Variants in KSR1 observed in about 807,000 individuals in gnomAD.
KSR1 encodes kinase suppressor of ras.
A neutral mutation model predicts 92.9 loss-of-function variants in KSR1; 35 were observed. The observed-to-expected ratio is 0.38, with a 90% CI of 0.29 to 0.50. The LOEUF is 0.50. Among genes scored for constraint, KSR1 ranks in the 20% least tolerant of loss-of-function variants. The pLI is 0.94. For synonymous variants in KSR1, 467 were observed against 472.6 expected (o/e 0.99, Z 0.15); for missense variants, 972 against 1,158.5 (o/e 0.84, Z 2.34).
chr17:27,483,846 C>A (rs1024184973), intron 1 of KSR1: 1 of 152,214 alleles, frequency 6.6e-6, no homozygotes, highest in Non-Finnish European at 1.5e-5. Flanking sequence ...TACATCCTCT[C>A]CCAAGGTGAC....
chr17:27,518,346 CA>C (rs1427266511), intron 1 of KSR1, among the ~76,000 whole-genome samples: 1 of 152,160 alleles, frequency 6.6e-6, no homozygotes, highest in African/African-American at 2.4e-5. Context: ...GGAGTAGCTG[CA>C]CTTGTGAAAT....
Position 27,577,540 on chromosome 17 carries a change from G to A in KSR1, c.421G>A (p.Ala141Thr). Residue 141 changes from alanine to threonine, a missense_variant, in exon 3 of 21, where the codon GCC becomes ACC. This residue lies in a region of KSR1 where 611 missense variants were observed against 668.0 expected (regional missense o/e 0.91). Coordinates refer to ENST00000644974, the MANE Select transcript of KSR1 (RefSeq NM_001394583.1). The surrounding 1 kb of genome is among the most constrained non-coding windows in gnomAD (Gnocchi z 4.5). ...TLDALLEMNE[A>T]KVKETLRRCG... ...GGATGCCCTGCTGGAGATGAATGAGGCCAAGGTGAAGGAGACGCTGCGGCG... is the reference window on the plus strand; with the variant it reads ...GGATGCCCTGCTGGAGATGAATGAGACCAAGGTGAAGGAGACGCTGCGGCG... 6.2e-7 allele frequency: 1 copy of A among 1,604,810 alleles called. No homozygotes were observed. Among genetic ancestry groups the A allele is most frequent in the Non-Finnish European group, 8.5e-7 (1 of 1,178,378 alleles).
At chr17:27,555,325 GTTTA>G (rs1166491891) in intron 2 of KSR1, among the ~76,000 whole-genome samples, 2 of 152,120 alleles carry the variant, frequency 1.3e-5, no homozygotes, top group Non-Finnish European at 2.9e-5. Context: ...TTTCTCCTCC[GTTTA>G]TTTATTCATT....
intron 2 of KSR1, among the ~76,000 whole-genome samples, chr17:27,568,588 G>T (rs1330704556): frequency 6.6e-6 from 1 of 152,182 alleles, no homozygotes; most frequent in Non-Finnish European, 1.5e-5. Flanking sequence ...CAGTAAAGAT[G>T]CCGGGGACAT....
chr17:27,475,150 A>T (rs910540110), intron 1 of KSR1, among the ~76,000 whole-genome samples: 9 of 152,094 alleles, frequency 5.9e-5, no homozygotes, highest in African/African-American at 2.2e-4. Context: ...GCCAAAGGGG[A>T]GTGAACCAGG....
intron 1 of KSR1, among the ~76,000 whole-genome samples, chr17:27,468,501 T>C (rs1212942415): frequency 6.6e-6 from 1 of 152,210 alleles, no homozygotes; most frequent in African/African-American, 2.4e-5. Flanking sequence ...AGTGCTGGGA[T>C]TACAGGCGTG....
chr17:27,566,407 T>TGCACTGGGGGCCAGGGCTGCCGGGG (rs2072070270), intron 2 of KSR1: 2 of 399,192 alleles, frequency 5.0e-6, no homozygotes, highest in Non-Finnish European at 8.8e-6. Flanking sequence ...CCTGGGACAC[T>TGCACTGGGGGCCAGGGCTGCCGGGG]GCACTGGGGG....
At chr17:27,561,625 A>G (rs1380727147) in intron 2 of KSR1, among the ~76,000 whole-genome samples, 1 of 152,086 alleles carries the variant, frequency 6.6e-6, no homozygotes, top group East Asian at 1.9e-4. Flanking sequence ...TGTATTTAGC[A>G]CCTGTTGTGT....
chr17:27,521,915 C>G (rs1016540566), intron 1 of KSR1, among the ~76,000 whole-genome samples: 5 of 152,208 alleles, frequency 3.3e-5, no homozygotes, highest in African/African-American at 1.2e-4. Flanking sequence ...CTAGGGAGAC[C>G]AGGCTTAGTT....
chr17:27,583,112 G>T lies in KSR1; in HGVS notation c.980+7G>T, dbSNP rs561363047. The T allele has an allele frequency of 1.1e-5, 16 of 1,520,862 alleles. No individual in the cohort carries two copies. The allele number at this position is 1,520,862 out of a possible 1,614,324, so 94.2% of individuals were successfully genotyped here. ...ATGACGTCTCCTCGATGAGGTGAGT[G>T]CTCCTTCTGGGCAGCTACCAAAAGT... is the stretch of plus-strand genomic sequence containing the variant. On this transcript the variant is annotated splice_region_variant and intron_variant, in intron 4 of 20. Transcript: ENST00000644974.
intron 18 of KSR1, among the ~76,000 whole-genome samples, chr17:27,612,193 C>T (rs1331075162): frequency 6.6e-6 from 1 of 152,160 alleles, no homozygotes; most frequent in East Asian, 1.9e-4. Context: ...GAGAGAGAGG[C>T]TCTCAAAAGA....
At chr17:27,595,537 GA>G (rs1396604221) in intron 9 of KSR1, among the ~76,000 whole-genome samples, 2 of 152,222 alleles carry the variant, frequency 1.3e-5, no homozygotes, top group Admixed American at 6.5e-5. Flanking sequence ...AGCTGGCTGA[GA>G]ATTCCAGTCT....
At chr17:27,618,023 G>A (rs2151267456) in intron 19 of KSR1, among the ~76,000 whole-genome samples, 1 of 152,312 alleles carries the variant, frequency 6.6e-6, no homozygotes, top group African/African-American at 2.4e-5. Context: ...TACCAGGCCA[G>A]GCCAGGACTA....
chr17:27,618,661 G>T (rs1472356940), intron 19 of KSR1, among the ~76,000 whole-genome samples: 1 of 152,210 alleles, frequency 6.6e-6, no homozygotes, highest in Non-Finnish European at 1.5e-5. Flanking sequence ...CTGTGTGCCA[G>T]TAAGACTTAA....
At chr17:27,526,646 T>C in intron 1 of KSR1, 1 of 1,563,590 alleles carries the variant, frequency 6.4e-7, no homozygotes, top group Non-Finnish European at 8.8e-7. Flanking sequence ...TAAAGCACCT[T>C]CCTGAGAGAT....
rs563967702 is a variant in KSR1 at position 27,501,647 on chromosome 17, C to T, written c.231+44773C>T. Among the ~76,000 whole-genome samples, 4 of 152,240 alleles carry T rather than the reference C, an allele frequency of 2.6e-5. No individual in the cohort carries two copies. The South Asian group carries it at 6.2e-4, about 24-fold the overall frequency. On this transcript the variant is annotated intron_variant, in intron 1 of 20. Coordinates refer to ENST00000644974, the MANE Select transcript of KSR1 (RefSeq NM_001394583.1). ...AACAGTAGCTGGGATTACAGGCATG[C>T]GCCACCACGCCTGGCTAATTTTTGC...
intron 1 of KSR1, among the ~76,000 whole-genome samples, chr17:27,475,419 C>A (rs2068311092): frequency 6.6e-6 from 1 of 152,190 alleles, no homozygotes; most frequent in Admixed American, 6.5e-5. Context: ...GCACACTAAC[C>A]TACTGACTTA....
At position 27,590,841 on chromosome 17, in the gene KSR1, C is replaced by T; in HGVS notation, c.1077C>T (p.Val359=). The change falls in exon 7 of 21, where the codon GTC becomes GTT. Residue 359 remains valine (V), a synonymous_variant. Coordinates refer to ENST00000644974, the MANE Select transcript of KSR1 (RefSeq NM_001394583.1). ...RFSTKSWLSQ[V]CHVCQKSMIF... Reference sequence around the variant, plus strand: ...CCACCAAGTCCTGGCTGTCGCAGGTCTGCCACGTGTGCCAGAAGAGCATGA... The same window carrying T: ...CCACCAAGTCCTGGCTGTCGCAGGTTTGCCACGTGTGCCAGAAGAGCATGA... 1 of 1,611,918 alleles carries T rather than the reference C, an allele frequency of 6.2e-7. No homozygotes were observed. Among genetic ancestry groups the T allele is most frequent in the Non-Finnish European group, 8.5e-7 (1 of 1,179,190 alleles).
intron 1 of KSR1, among the ~76,000 whole-genome samples, chr17:27,466,507 ATTTAGTT>A (rs2019705036): frequency 6.6e-6 from 1 of 152,098 alleles, no homozygotes; most frequent in Non-Finnish European, 1.5e-5. Context: ...CCCTGGGTGC[ATTTAGTT>A]GGTGTTAAGG....
Sources: allele counts gnomAD v4.1 joint callset (sites outside exome capture counted in the v4.1 genomes callset), GRCh38; gene constraint gnomAD v4.1.1; regional missense constraint gnomAD v4.1.1; non-coding constraint Gnocchi (gnomAD v3.1); transcripts MANE v1.5; gene names NCBI Gene and HGNC (gene_info 2026-07-23, HGNC 2026-07-21).